AGFG1: variants seen among roughly 807,000 people sequenced by gnomAD.
AGFG1 encodes arf-GAP domain and FG repeat-containing protein 1.
Under a neutral mutation model 60.6 loss-of-function variants are expected in AGFG1, and 10 were observed. That is an observed-to-expected ratio of 0.16 (90% confidence interval 0.10 to 0.28). The LOEUF (loss-of-function observed/expected upper bound fraction) is 0.28, where lower values mean the gene tolerates loss of function less well. Among genes scored for constraint, AGFG1 ranks in the 10% least tolerant of loss-of-function variants. AGFG1 has a pLI of 1.00. For synonymous variants in AGFG1, 247 were observed against 242.9 expected (o/e 1.02, Z -0.16); for missense variants, 537 against 676.5 (o/e 0.79, Z 2.29).
intron 1 of AGFG1, among the ~76,000 whole-genome samples, chr2:227,488,821 TTTA>T (rs1259526690): frequency 6.6e-6 from 1 of 152,170 alleles, no homozygotes; most frequent in Non-Finnish European, 1.5e-5. Context: ...TATTTACTTA[TTTA>T]TTTATTTATT....
intron 2 of AGFG1, among the ~76,000 whole-genome samples, chr2:227,509,848 G>T (rs766512329): frequency 3.3e-5 from 5 of 152,134 alleles, no homozygotes; most frequent in Non-Finnish European, 5.9e-5. Flanking sequence ...TTTAGCATTT[G>T]AATGCAGAAG....
At chr2:227,474,045 T>C (rs1690207759) in intron 1 of AGFG1, among the ~76,000 whole-genome samples, 1 of 152,250 alleles carries the variant, frequency 6.6e-6, no homozygotes, top group Non-Finnish European at 1.5e-5. Context: ...ACTTTTAGGC[T>C]GTGTGGCCAG....
intron 2 of AGFG1, among the ~76,000 whole-genome samples, chr2:227,497,287 A>C (rs566856183): frequency 1.2e-4 from 18 of 151,946 alleles, no homozygotes; most frequent in Non-Finnish European, 1.8e-4. Context: ...AGAACTCTTA[A>C]CGTTTCAGCT....
At chr2:227,541,398 C>T (rs1190579074) in intron 10 of AGFG1, among the ~76,000 whole-genome samples, 1 of 152,200 alleles carries the variant, frequency 6.6e-6, no homozygotes, top group Non-Finnish European at 1.5e-5. Context: ...GATCCAATTT[C>T]AGCTTTCTAC....
intron 2 of AGFG1, among the ~76,000 whole-genome samples, chr2:227,506,497 G>A (rs1691317400): frequency 1.4e-5 from 2 of 145,746 alleles, no homozygotes; most frequent in Non-Finnish European, 3.0e-5. Flanking sequence ...AAGCTTTAAG[G>A]CTTGTGTATT....
At position 227,548,908 on chromosome 2, in the gene AGFG1, T is replaced by G. The variant is rs370156461; in HGVS notation, c.1379-3051T>G. ...GCCGAGATCACACCACTGCACTCCATCCTGGGCGACAGAGCGAGACTCCGT... is the reference window on the plus strand; with the variant it reads ...GCCGAGATCACACCACTGCACTCCAGCCTGGGCGACAGAGCGAGACTCCGT... On this transcript the variant is annotated intron_variant, in intron 10 of 12. Coordinates refer to ENST00000310078, the MANE Select transcript of AGFG1 (RefSeq NM_004504.5). 1.4e-4 allele frequency among the ~76,000 whole-genome samples: 21 copies of G among 151,944 alleles called. No individual in the cohort carries two copies. The South Asian group carries it at 4.1e-3, about 30-fold the overall frequency.
chr2:227,549,165 C>T (rs1470917621), intron 10 of AGFG1, among the ~76,000 whole-genome samples: 1 of 152,146 alleles, frequency 6.6e-6, no homozygotes, highest in Admixed American at 6.5e-5. Context: ...CTCTATCCCT[C>T]CACCTCATTT....
intron 6 of AGFG1, chr2:227,532,222 G>A (rs971882983): frequency 1.3e-6 from 2 of 1,536,442 alleles, no homozygotes; most frequent in African/African-American, 2.8e-5. Flanking sequence ...AAGTTCTGTT[G>A]TCAAGTAGGC....
rs528448535 is a variant in AGFG1, at chr2:227,515,626, T to C, written c.262-4322T>C. The stretch of plus-strand genomic sequence containing the variant: ...CATATTCTGCTTGATTAAACCAATA[T>C]TCTACCTACTTTTACCTAAATAGCC... On this transcript the variant is annotated intron_variant, in intron 2 of 12. Transcript: ENST00000310078. Among the ~76,000 whole-genome samples the C allele has an allele frequency of 1.4e-3, 214 of 152,266 alleles. 1 individual carries two copies. Among genetic ancestry groups the C allele is most frequent in the South Asian group, 3.3e-3 (16 of 4,826 alleles).
chr2:227,536,817 G>C, intron 9 of AGFG1, 84 bp from the exon 10 acceptor site: 1 of 1,545,002 alleles, frequency 6.5e-7, no homozygotes, highest in Non-Finnish European at 8.9e-7. Context: ...TGAGTTTTCT[G>C]TCTTGATAAA....
In AGFG1 at chr2:227,520,032, T is replaced by A. The variant is rs781780869; in HGVS notation, c.346T>A (p.Phe116Ile). ...DFRDPQKVKE[F>I]LQEKYEKKRW... is the part of the protein sequence containing the mutation. ...CAGGGATCCACAAAAAGTGAAAGAGTTTCTACAAGAAAAGTATGAAAAGAA... is the reference window on the plus strand; with the variant it reads ...CAGGGATCCACAAAAAGTGAAAGAGATTCTACAAGAAAAGTATGAAAAGAA... Residue 116 changes from phenylalanine (F) to isoleucine (I), a missense_variant, in exon 3 of 13, where the codon TTT (phenylalanine) becomes ATT (isoleucine). By Grantham distance (21) the Phe-to-Ile change is conservative (BLOSUM62 0). Around this residue, in one of 4 missense-constraint regions of AGFG1, gnomAD observed 120 missense variants for 198.5 expected, o/e 0.60. Coordinates refer to ENST00000310078, the MANE Select transcript of AGFG1 (RefSeq NM_004504.5). 1.2e-5 allele frequency: 19 copies of A among 1,576,982 alleles called. No individual in the cohort carries two copies. The highest frequency in any genetic ancestry group is 1.6e-5 in the Non-Finnish European group (19 of 1,168,550).
chr2:227,508,688 A>ATTTTT (rs11464376), intron 2 of AGFG1: 3 of 394,564 alleles, frequency 7.6e-6, no homozygotes, highest in Non-Finnish European at 1.0e-5. Context: ...CACTGTTGGG[A>ATTTTT]TTTTTTTTTT....
At chr2:227,530,960 C>T (rs1430930816) in intron 5 of AGFG1, 131 bp from the exon 6 acceptor site, 1 of 857,806 alleles carries the variant, frequency 1.2e-6, no homozygotes, top group South Asian at 2.4e-5. Flanking sequence ...AATCTGATTG[C>T]TAAGTGAATT....
At chr2:227,542,420 G>A (rs555910932) in intron 10 of AGFG1, among the ~76,000 whole-genome samples, 6 of 151,812 alleles carry the variant, frequency 4.0e-5, no homozygotes, top group African/African-American at 1.2e-4. Flanking sequence ...TGAGATACTC[G>A]TGGTTTTAGC....
chr2:227,550,114 G>A (rs1692776287), intron 10 of AGFG1: 2 of 442,580 alleles, frequency 4.5e-6, no homozygotes, highest in African/African-American at 2.1e-5. Flanking sequence ...TTGGTAGGTG[G>A]CCACAATTAA....
At chr2:227,546,488 C>T (rs1480381239) in intron 10 of AGFG1, among the ~76,000 whole-genome samples, 1 of 152,218 alleles carries the variant, frequency 6.6e-6, no homozygotes, top group East Asian at 1.9e-4. Flanking sequence ...CCGTGGGCTA[C>T]ACCCACTGTC....
chr2:227,477,147 C>T (rs964649635), intron 1 of AGFG1, among the ~76,000 whole-genome samples: 1 of 152,102 alleles, frequency 6.6e-6, no homozygotes. Context: ...GGTGATCCAC[C>T]GCCTTGGCCT....
In AGFG1 at chr2:227,497,761, T is replaced by TTTTTTTTTTTTTTTTTTG. The variant is rs546987888; in HGVS notation, c.261+6121_261+6122insTTTTTTTTTTTTTTTTTG. Among the ~76,000 whole-genome samples, 26 of 65,156 alleles carry TTTTTTTTTTTTTTTTTTG rather than the reference T, an allele frequency of 4.0e-4. 3 individuals carry two copies. The highest frequency in any genetic ancestry group is 7.0e-4 in the Non-Finnish European group (21 of 29,974). 42.7% of individuals were successfully genotyped at this position (65,156 alleles called of 152,430 possible). On this transcript the variant is annotated intron_variant, in intron 2 of 12. Coordinates refer to ENST00000310078, the MANE Select transcript of AGFG1 (RefSeq NM_004504.5). ...TTTTTTTTTTTTTTTTTTTTTTTTT[T>TTTTTTTTTTTTTTTTTTG]GGGGACGGAGTCTTACTCTGTCGCC...
At chr2:227,475,855 G>A (rs901640485) in intron 1 of AGFG1, among the ~76,000 whole-genome samples, 1 of 152,170 alleles carries the variant, frequency 6.6e-6, no homozygotes, top group African/African-American at 2.4e-5. Flanking sequence ...AAGCACTGGA[G>A]TTACAAATAT....
Sources: gnomAD v4.1 joint callset for allele counts (sites outside exome capture counted in the v4.1 genomes callset) on GRCh38, gnomAD v4.1.1 for gene constraint, gnomAD v4.1.1 regional missense constraint, MANE v1.5 for transcripts, NCBI Gene and HGNC (gene_info 2026-07-23, HGNC 2026-07-21) for gene names.